The following RIPOR2 variants were observed in gnomAD, a reference collection of about 807,000 sequenced individuals.
RIPOR2 encodes the protein RHO family interacting cell polarization regulator 2.
A neutral mutation model predicts 114.5 loss-of-function variants in RIPOR2; 39 were observed. That is an observed-to-expected ratio of 0.34 (90% CI 0.26 to 0.44). The LOEUF is 0.44. Among genes scored for constraint, RIPOR2 ranks in the 20% least tolerant of loss-of-function variants. The pLI, the probability that RIPOR2 is intolerant of heterozygous loss-of-function variation, is 1.00. For missense variants in RIPOR2, 1,007 were observed against 1,255.1 expected (o/e 0.80, Z 2.99); for synonymous variants, 445 against 484.4 (o/e 0.92, Z 1.07).
chr6:24,938,074 A>G (rs915392778), upstream of RIPOR2, among the ~76,000 whole-genome samples: 1 of 152,102 alleles, frequency 6.6e-6, no homozygotes, highest in Non-Finnish European at 1.5e-5. Context: ...TGAAGTCCTA[A>G]CCCCCAGTAC....
At chr6:25,019,974 A>G (rs1484332156) in intron 1 of RIPOR2, among the ~76,000 whole-genome samples, 1 of 151,914 alleles carries the variant, frequency 6.6e-6, no homozygotes, top group Non-Finnish European at 1.5e-5. Context: ...GATCCCAGCT[A>G]TTATATATAA....
At chr6:24,853,728 G>A (rs766648936) in intron 8 of RIPOR2, among the ~76,000 whole-genome samples, 9 of 152,266 alleles carry the variant, frequency 5.9e-5, no homozygotes, top group South Asian at 2.1e-4. Context: ...ATAGTAGGTC[G>A]TTAATACATG....
intron 1 of RIPOR2, among the ~76,000 whole-genome samples, chr6:25,019,230 A>G (rs930865624): frequency 8.5e-5 from 13 of 152,200 alleles, no homozygotes; most frequent in African/African-American, 3.1e-4. Context: ...ACAAATGCAT[A>G]TGTTTTTAAC....
chr6:24,840,143 G>T (rs890167229), intron 13 of RIPOR2: 3 of 784,186 alleles, frequency 3.8e-6, no homozygotes, highest in East Asian at 2.5e-4. Context: ...CAGAGACAGG[G>T]TCTCCCTATG....
intron 13 of RIPOR2, chr6:24,840,892 C>G (rs1322548347): frequency 4.1e-6 from 4 of 973,908 alleles, no homozygotes; most frequent in Non-Finnish European, 6.2e-6. Flanking sequence ...ATGTTTTCAG[C>G]AGTCTCAGGG....
rs191098629 is a variant in RIPOR2 at position 24,831,158 on chromosome 6, C to T, written c.2345-488G>A. Among the ~76,000 whole-genome samples the T allele has an allele frequency of 4.6e-5, 7 of 152,164 alleles. 1 individual carries two copies. In the Middle Eastern group the frequency reaches 0.014, roughly 296 times the overall value. Reference sequence around the variant, plus strand: ...AGATTCCTGTGTGGTCAGCAGATGGCCCGAAGGGTAAAGAAGTTATGACGA... The same window carrying T: ...AGATTCCTGTGTGGTCAGCAGATGGTCCGAAGGGTAAAGAAGTTATGACGA... On this transcript the variant is annotated intron_variant, in intron 16 of 21. Transcript: ENST00000643898.
At chr6:24,821,703 C>T (rs1328861714) in intron 19 of RIPOR2, among the ~76,000 whole-genome samples, 1 of 152,198 alleles carries the variant, frequency 6.6e-6, no homozygotes, top group Non-Finnish European at 1.5e-5. Context: ...AAATAAGCCT[C>T]AATCCACAAG....
At position 24,873,540 on chromosome 6, in the gene RIPOR2, A is replaced by G. The variant is rs994165628; in HGVS notation, c.344+104T>C. ...CCTAATTGTGGTACAAGAATAAAATACCTCCTACAGAAATAGACATCTGAA... is the reference window on the plus strand; with the variant it reads ...CCTAATTGTGGTACAAGAATAAAATGCCTCCTACAGAAATAGACATCTGAA... On this transcript the variant is annotated intron_variant, in intron 3 of 21. Transcript: ENST00000643898. The G allele has an allele frequency of 1.3e-5, 13 of 1,024,976 alleles. No homozygotes were observed. The Admixed American group carries it at 3.2e-4, about 25-fold the overall frequency. 63.5% of individuals were successfully genotyped at this position (1,024,976 alleles called of 1,614,324 possible).
intron 13 of RIPOR2, chr6:24,839,871 T>A: frequency 9.5e-7 from 1 of 1,055,782 alleles, no homozygotes; most frequent in East Asian, 6.4e-5. Flanking sequence ...ACAAAACAAA[T>A]CCCAGAAACA....
chr6:24,842,979 A>T lies in RIPOR2; in HGVS notation c.1740T>A (p.Asp580Glu). 6.4e-7 allele frequency: 1 copy of T among 1,565,312 alleles called. No homozygotes were observed. Among genetic ancestry groups the T allele is most frequent in the Non-Finnish European group, 8.7e-7 (1 of 1,155,944 alleles). Reference sequence around the variant, plus strand: ...CATTAAAAGCATCCTCTAAGCTTCCATCTAGAAAGGATCTGCAGCCTTCAG... The same window carrying T: ...CATTAAAAGCATCCTCTAAGCTTCCTTCTAGAAAGGATCTGCAGCCTTCAG... The part of the protein sequence containing the change: ...GESEGCRSFL[D>E]GSLEDAFNGL... Residue 580 changes from aspartate to glutamate, a missense_variant, in exon 13 of 22, where the codon GAT becomes GAA. Physicochemically the swap from Asp to Glu is conservative, Grantham distance 45. Transcript: ENST00000643898.
At chr6:24,936,737 C>A (rs564404552), upstream of RIPOR2, among the ~76,000 whole-genome samples, 1 of 152,172 alleles carries the variant, frequency 6.6e-6, no homozygotes, top group Non-Finnish European at 1.5e-5. Flanking sequence ...AGCTACCCAA[C>A]GTGTGCCAAA....
At chr6:24,980,888 A>C (rs1774259478) in intron 1 of RIPOR2, among the ~76,000 whole-genome samples, 1 of 152,172 alleles carries the variant, frequency 6.6e-6, no homozygotes, top group African/African-American at 2.4e-5. Context: ...AGAGGAATGG[A>C]GATTGGGGCA....
In RIPOR2 at chr6:24,832,341, C is replaced by T. The variant is rs1357190142; in HGVS notation, c.2259G>A (p.Glu753=). Residue 753 remains glutamate, a synonymous_variant, in exon 16 of 22, where the codon GAG becomes GAA. Transcript: ENST00000643898. Reference sequence around the variant, plus strand: ...TCACTTGGATCTGCCTAGAAAGCTTCTCTAAGAGACTTCTTGCCACAAATG... The same window carrying T: ...TCACTTGGATCTGCCTAGAAAGCTTTTCTAAGAGACTTCTTGCCACAAATG... ...KTPFVARSLL[E]KLSRQIQVME... The T allele has an allele frequency of 6.4e-7, 1 of 1,551,880 alleles. No individual in the cohort carries two copies. Among genetic ancestry groups the T allele is most frequent in the African/African-American group, 1.4e-5 (1 of 73,034 alleles).
intron 1 of RIPOR2, among the ~76,000 whole-genome samples, chr6:24,931,370 T>C (rs1771379246): frequency 6.6e-6 from 1 of 152,194 alleles, no homozygotes; most frequent in African/African-American, 2.4e-5. Context: ...AAGGAAAAAG[T>C]GCTAACTTAC....
chr6:24,983,098 A>G (rs116611996), intron 1 of RIPOR2, among the ~76,000 whole-genome samples: 2 of 151,978 alleles, frequency 1.3e-5, no homozygotes, highest in Non-Finnish European at 2.9e-5. Context: ...ACTAGAATCT[A>G]TGCTCCTGGG....
chr6:24,868,620 C>A (rs1267095980), intron 6 of RIPOR2, among the ~76,000 whole-genome samples: 1 of 151,958 alleles, frequency 6.6e-6, no homozygotes, highest in East Asian at 1.9e-4. Context: ...GAAAACCATG[C>A]CATATGAGGG....
At chr6:24,898,055 A>G (rs1768063052) in intron 1 of RIPOR2, among the ~76,000 whole-genome samples, 1 of 151,888 alleles carries the variant, frequency 6.6e-6, no homozygotes, top group African/African-American at 2.4e-5. Flanking sequence ...GGAAGGAAGG[A>G]AAGAAGGAAG....
At chr6:24,912,453 C>T (rs1242935735) in intron 1 of RIPOR2, among the ~76,000 whole-genome samples, 1 of 121,846 alleles carries the variant, frequency 8.2e-6, no homozygotes, top group Non-Finnish European at 1.6e-5. Flanking sequence ...TTTCCAAGAT[C>T]CCTTGCCCCC....
At position 24,804,304 on chromosome 6, in the gene RIPOR2, T is replaced by A. The variant is rs1299467841; in HGVS notation, c.*2069A>T. 1 of 152,166 alleles carries A rather than the reference T, an allele frequency of 6.6e-6. No individual in the cohort carries two copies. Among genetic ancestry groups the A allele is most frequent in the African/African-American group, 2.4e-5 (1 of 41,454 alleles). 9.4% of individuals were successfully genotyped at this position (152,166 alleles called of 1,614,324 possible). Reference sequence around the variant, plus strand: ...CATGATGCTAGTAATTCAAAAATAATTTTTATTTTAACTTACATGACTGAA... The same window carrying A: ...CATGATGCTAGTAATTCAAAAATAAATTTTATTTTAACTTACATGACTGAA... On this transcript the variant is annotated 3_prime_UTR_variant, in exon 22 of 22. Coordinates refer to ENST00000643898, the MANE Select transcript of RIPOR2 (RefSeq NM_001286445.3).
Sources: allele counts gnomAD v4.1 joint callset (sites outside exome capture counted in the v4.1 genomes callset), GRCh38; gene constraint gnomAD v4.1.1; transcripts MANE v1.5; gene names NCBI Gene and HGNC (gene_info 2026-07-23, HGNC 2026-07-21).